NRXN3: variants seen among roughly 807,000 people sequenced by gnomAD.
NRXN3 encodes neurexin 3, also known as neurexin III.
In NRXN3, 32 loss-of-function variants were observed where a neutral mutation model predicts 137.6. The observed-to-expected ratio is 0.23, with a 90% CI of 0.18 to 0.31. The LOEUF is 0.31. Among genes scored for constraint, NRXN3 ranks in the 10% least tolerant of loss-of-function variants. NRXN3 has a pLI of 1.00. For missense variants in NRXN3, 1,574 were observed against 2,062.5 expected (o/e 0.76, Z 4.59); for synonymous variants, 798 against 784.5 (o/e 1.02, Z -0.29).
At chr14:79,048,623 C>CTT (rs56880456) in intron 15 of NRXN3, among the ~76,000 whole-genome samples, 2 of 146,726 alleles carry the variant, frequency 1.4e-5, no homozygotes, top group Non-Finnish European at 1.5e-5. Flanking sequence ...TTCAGTGAGT[C>CTT]TTTTTTTTTT....
At chr14:79,217,273 C>T (rs994755771) in intron 15 of NRXN3, among the ~76,000 whole-genome samples, 2 of 152,052 alleles carry the variant, frequency 1.3e-5, no homozygotes, top group Middle Eastern at 3.2e-3. Context: ...TGGTGGAAGG[C>T]GAAGCAGGAA....
chr14:78,450,023 G>A (rs896578190), intron 4 of NRXN3, among the ~76,000 whole-genome samples: 7 of 152,204 alleles, frequency 4.6e-5, no homozygotes, highest in African/African-American at 1.7e-4. Flanking sequence ...TTTGACAGAG[G>A]GTCCCAAAGG....
intron 15 of NRXN3, among the ~76,000 whole-genome samples, chr14:79,168,324 A>T (rs2061469931): frequency 6.6e-6 from 1 of 152,056 alleles, no homozygotes; most frequent in Non-Finnish European, 1.5e-5. Flanking sequence ...TATTTACCTT[A>T]AAGTTGGTTG....
intron 8 of NRXN3, among the ~76,000 whole-genome samples, chr14:78,784,560 C>T (rs1223003273): frequency 3.3e-5 from 5 of 152,268 alleles, no homozygotes; most frequent in Admixed American, 6.5e-5. Flanking sequence ...AAAGAAATCA[C>T]GTAGGACTTG....
At chr14:78,831,511 G>A (rs1265517036) in intron 10 of NRXN3, among the ~76,000 whole-genome samples, 2 of 133,108 alleles carry the variant, frequency 1.5e-5, no homozygotes, top group East Asian at 4.6e-4. Flanking sequence ...CTCCAGCCTG[G>A]GTGACAGAGG....
intron 15 of NRXN3, among the ~76,000 whole-genome samples, chr14:79,182,279 T>C (rs538775996): frequency 6.7e-6 from 1 of 150,110 alleles, no homozygotes; most frequent in Non-Finnish European, 1.5e-5. Context: ...TCAAGTACAT[T>C]ACATTTATTG....
intron 4 of NRXN3, among the ~76,000 whole-genome samples, chr14:78,545,528 A>G (rs567278056): frequency 2.0e-5 from 3 of 152,312 alleles, no homozygotes; most frequent in South Asian, 2.1e-4. Flanking sequence ...TAATTTATAC[A>G]TATAGAAATG....
chr14:78,490,099 G>A lies in NRXN3; in HGVS notation c.758-155021G>A, dbSNP rs568802278. Reference sequence around the variant, plus strand: ...CTGGCTAATTTTTGTATTTTTAGTAGAGATGTGGTTTCACCAAGTTGGCCA... The same window carrying A: ...CTGGCTAATTTTTGTATTTTTAGTAAAGATGTGGTTTCACCAAGTTGGCCA... On this transcript the variant is annotated intron_variant, in intron 4 of 20. Coordinates refer to ENST00000335750, the MANE Select transcript of NRXN3 (RefSeq NM_001330195.2). 9.2e-5 allele frequency among the ~76,000 whole-genome samples: 14 copies of A among 152,186 alleles called. No individual in the cohort carries two copies. The South Asian group carries it at 2.7e-3, about 29-fold the overall frequency.
intron 4 of NRXN3, among the ~76,000 whole-genome samples, chr14:78,540,310 A>G (rs1001901703): frequency 5.3e-5 from 8 of 151,974 alleles, no homozygotes; most frequent in Non-Finnish European, 2.9e-5. Flanking sequence ...GTGCATATAT[A>G]TTTAGGATAG....
intron 17 of NRXN3, among the ~76,000 whole-genome samples, chr14:79,680,359 T>C (rs550005254): frequency 6.6e-6 from 1 of 152,128 alleles, no homozygotes; most frequent in Non-Finnish European, 1.5e-5. Flanking sequence ...TACTCCAGCC[T>C]GGGCGATGAG....
At chr14:79,720,368 G>A (rs2098840342) in intron 19 of NRXN3, among the ~76,000 whole-genome samples, 1 of 151,964 alleles carries the variant, frequency 6.6e-6, no homozygotes, top group Non-Finnish European at 1.5e-5. Context: ...ATTTGGGCGG[G>A]GACACAACCA....
chr14:79,633,824 C>G (rs1372126973), intron 16 of NRXN3, among the ~76,000 whole-genome samples: 1 of 152,172 alleles, frequency 6.6e-6, no homozygotes, highest in Non-Finnish European at 1.5e-5. Flanking sequence ...TCTTCCATCA[C>G]TTCTTGGGAT....
chr14:78,969,249 T>C (rs1490195624), intron 14 of NRXN3, among the ~76,000 whole-genome samples: 2 of 152,218 alleles, frequency 1.3e-5, no homozygotes, highest in Non-Finnish European at 2.9e-5. Context: ...AGATACTAAA[T>C]GAATTTTACA....
chr14:78,740,304 T>C (rs989251846), intron 8 of NRXN3, among the ~76,000 whole-genome samples: 3 of 152,134 alleles, frequency 2.0e-5, no homozygotes, highest in African/African-American at 7.2e-5. Context: ...TCGCCTGATG[T>C]CTTGAGGCTT....
chr14:78,924,300 G>T (rs61994012), intron 10 of NRXN3, among the ~76,000 whole-genome samples: 4,309 of 152,276 alleles, frequency 0.028, 100 homozygotes, highest in African/African-American at 0.053. Context: ...ATTATTATGG[G>T]CTTAGTAAGT....
intron 19 of NRXN3, among the ~76,000 whole-genome samples, chr14:79,768,310 T>G (rs1326971050): frequency 6.6e-6 from 1 of 152,214 alleles, no homozygotes; most frequent in Non-Finnish European, 1.5e-5. Flanking sequence ...AGGCTCCACC[T>G]CTGGGGGCAG....
At chr14:78,451,157 C>A (rs1291199017) in intron 4 of NRXN3, among the ~76,000 whole-genome samples, 1 of 152,224 alleles carries the variant, frequency 6.6e-6, no homozygotes, top group East Asian at 1.9e-4. Flanking sequence ...GTAACTCAAG[C>A]ACAGAGTGTG....
At chr14:79,353,188 A>T (rs187700013) in intron 15 of NRXN3, among the ~76,000 whole-genome samples, 275 of 152,090 alleles carry the variant, frequency 1.8e-3, no homozygotes, top group Admixed American at 3.5e-3. Flanking sequence ...TTCATTCAAT[A>T]TAATTTTTTT....
intron 15 of NRXN3, among the ~76,000 whole-genome samples, chr14:79,027,591 AT>A (rs1365209160): frequency 2.6e-5 from 4 of 152,076 alleles, no homozygotes; most frequent in African/African-American, 9.7e-5. Context: ...TGACCATAAC[AT>A]TTACAGTACT....
Sources: gnomAD v4.1 joint callset for allele counts (sites outside exome capture counted in the v4.1 genomes callset) on GRCh38, gnomAD v4.1.1 for gene constraint, MANE v1.5 for transcripts, NCBI Gene and HGNC (gene_info 2026-07-23, HGNC 2026-07-21) for gene names.